MAN1C1: variants seen among roughly 807,000 people sequenced by gnomAD.
MAN1C1 encodes mannosidase alpha class 1C member 1, also known as mannosyl-oligosaccharide 1,2-alpha-mannosidase IC.
A neutral mutation model predicts 71.5 loss-of-function variants in MAN1C1; 49 were observed. That is an observed-to-expected ratio of 0.69 (90% CI 0.54 to 0.87). The LOEUF is 0.87. Ranked by LOEUF, MAN1C1 falls within the 40% of genes least tolerant of loss-of-function variation. MAN1C1 has a pLI of 0.00. For missense variants in MAN1C1, 743 were observed against 835.0 expected (o/e 0.89, Z 1.36); for synonymous variants, 352 against 343.7 (o/e 1.02, Z -0.27).
At chr1:25,704,639 A>G (rs2046493850) in intron 2 of MAN1C1, among the ~76,000 whole-genome samples, 1 of 152,252 alleles carries the variant, frequency 6.6e-6, no homozygotes, top group South Asian at 2.1e-4. Context: ...TATGACACCA[A>G]GAATGCTTAG....
chr1:25,717,755 G>A (rs1223317632), intron 2 of MAN1C1, among the ~76,000 whole-genome samples: 1 of 151,932 alleles, frequency 6.6e-6, no homozygotes, highest in East Asian at 1.9e-4. Flanking sequence ...GTAGAGATGG[G>A]GTTTCTCCAT....
intron 2 of MAN1C1, among the ~76,000 whole-genome samples, chr1:25,706,723 C>T (rs1253856029): frequency 2.0e-5 from 3 of 152,210 alleles, no homozygotes; most frequent in African/African-American, 7.2e-5. Flanking sequence ...TGAAGCGGGC[C>T]ACCTGTTTTG....
chr1:25,620,709 G>A (rs2045194054), intron 1 of MAN1C1, among the ~76,000 whole-genome samples: 1 of 152,166 alleles, frequency 6.6e-6, no homozygotes, highest in African/African-American at 2.4e-5. Flanking sequence ...ATAAAAAAAG[G>A]CCCTGTTCTT....
intron 1 of MAN1C1, among the ~76,000 whole-genome samples, chr1:25,683,536 C>T (rs1379168313): frequency 6.6e-6 from 1 of 152,096 alleles, no homozygotes; most frequent in African/African-American, 2.4e-5. Flanking sequence ...AGCTTGACTG[C>T]AGGCCACCAT....
At chr1:25,742,813 G>C (rs2047079916) in intron 2 of MAN1C1, among the ~76,000 whole-genome samples, 1 of 152,192 alleles carries the variant, frequency 6.6e-6, no homozygotes, top group Admixed American at 6.5e-5. Flanking sequence ...CTATGTGTGA[G>C]GTTGCCTTGC....
At chr1:25,663,362 A>G (rs1021359702) in intron 1 of MAN1C1, among the ~76,000 whole-genome samples, 1 of 152,046 alleles carries the variant, frequency 6.6e-6, no homozygotes, top group African/African-American at 2.4e-5. Flanking sequence ...CAAGACCCCC[A>G]GTGGATGCCT....
At position 25,674,176 on chromosome 1, in the gene MAN1C1, C is replaced by T. The variant is rs2046032440; in HGVS notation, c.541-12264C>T. On this transcript the variant is annotated intron_variant, in intron 1 of 11. Transcript: ENST00000374332. ...GCCTCGCTGGGAAGGGTCTCACCTG[C>T]TCTTGCTGTTGTGGCCTCACAATTG... 2.6e-5 allele frequency among the ~76,000 whole-genome samples: 4 copies of T among 152,222 alleles called. No individual in the cohort carries two copies. In the South Asian group the frequency reaches 8.3e-4, roughly 32 times the overall value.
rs1238341039 is a variant in MAN1C1 at position 25,735,268 on chromosome 1, A to G, written c.638-11400A>G. 6.6e-6 allele frequency among the ~76,000 whole-genome samples: 1 copy of G among 152,176 alleles called. No homozygotes were observed. The highest frequency in any genetic ancestry group is 1.5e-5 in the Non-Finnish European group (1 of 68,030). On this transcript the variant is annotated intron_variant, in intron 2 of 11. Transcript: ENST00000374332. The surrounding 1 kb of genome is among the most constrained non-coding windows in gnomAD (Gnocchi z 4.6). ...CCCCACCTCTGCCAAAAACACAAAA[A>G]TTAGCCGGGCATGCTGACGCATGCC...
chr1:25,633,052 G>C (rs1238881247), intron 1 of MAN1C1, among the ~76,000 whole-genome samples: 3 of 151,994 alleles, frequency 2.0e-5, no homozygotes, highest in African/African-American at 7.3e-5. Flanking sequence ...ATTTTTAGTA[G>C]AGACGGGGTT....
intron 1 of MAN1C1, among the ~76,000 whole-genome samples, chr1:25,652,478 C>T (rs1482423430): frequency 1.3e-5 from 2 of 152,200 alleles, no homozygotes; most frequent in Admixed American, 6.5e-5. Flanking sequence ...AGGCTGGAGG[C>T]CCCCAGCACC....
Position 25,746,545 on chromosome 1 carries a change from G to A in MAN1C1, c.638-123G>A, listed in dbSNP as rs2047130992. 10 of 787,464 alleles carry A rather than the reference G, an allele frequency of 1.3e-5. No individual in the cohort carries two copies. The South Asian group carries it at 1.4e-4, about 11-fold the overall frequency. The allele number at this position is 787,464 out of a possible 1,614,324, so 48.8% of individuals were successfully genotyped here. On this transcript the variant is annotated intron_variant, in intron 2 of 11. Transcript: ENST00000374332. This position sits in a 1 kb window ranked among gnomAD's most constrained non-coding sequence, Gnocchi z 4.0. ...CACTGGAGTCCCCCGGATGGTGCCT[G>A]AGGCCAGCCTTTGCCACCAAGCCTG...
chr1:25,768,795 C>T (rs1460478501), intron 7 of MAN1C1, among the ~76,000 whole-genome samples: 1 of 134,952 alleles, frequency 7.4e-6, no homozygotes, highest in Non-Finnish European at 1.6e-5. Context: ...ACACACATTA[C>T]ACACACTGCG....
chr1:25,742,026 C>T (rs1007125300), intron 2 of MAN1C1, among the ~76,000 whole-genome samples: 4 of 152,122 alleles, frequency 2.6e-5, no homozygotes, highest in Non-Finnish European at 5.9e-5. Context: ...CCCCACAGTG[C>T]AGGGAGGTAG....
chr1:25,617,634 C>G lies in MAN1C1; in HGVS notation c.-164C>G. On this transcript the variant is annotated 5_prime_UTR_variant, in exon 1 of 12. Coordinates refer to ENST00000374332, the MANE Select transcript of MAN1C1 (RefSeq NM_020379.4). The surrounding 1 kb of genome is among the most constrained non-coding windows in gnomAD (Gnocchi z 5.1). ...CGCGGGAGGACTCGCTCCAAACTCC[C>G]TGAACTTCGGGGACAGTCCCCCGAA... is the stretch of plus-strand genomic sequence containing the variant. The G allele has an allele frequency of 3.4e-6, 2 of 581,522 alleles. No homozygotes were observed. Among genetic ancestry groups the G allele is most frequent in the Non-Finnish European group, 5.7e-6 (2 of 348,606 alleles). 36.0% of individuals were successfully genotyped at this position (581,522 alleles called of 1,614,324 possible).
chr1:25,731,655 G>A (rs1333821008), intron 2 of MAN1C1, among the ~76,000 whole-genome samples: 1 of 152,176 alleles, frequency 6.6e-6, no homozygotes, highest in African/African-American at 2.4e-5. Context: ...CTCTAACACA[G>A]GTAAGTCTGG....
chr1:25,656,521 T>C (rs1159655083), intron 1 of MAN1C1, among the ~76,000 whole-genome samples: 1 of 152,242 alleles, frequency 6.6e-6, no homozygotes, highest in Non-Finnish European at 1.5e-5. Flanking sequence ...AATACTTTCT[T>C]CAATGTTACA....
At chr1:25,635,549 A>G (rs2045446685) in intron 1 of MAN1C1, among the ~76,000 whole-genome samples, 1 of 151,336 alleles carries the variant, frequency 6.6e-6, no homozygotes, top group Non-Finnish European at 1.5e-5. Context: ...TCCCGAGTTC[A>G]AGTGATTCTC....
chr1:25,774,781 C>A (rs534737096), intron 8 of MAN1C1, among the ~76,000 whole-genome samples: 17 of 152,090 alleles, frequency 1.1e-4, no homozygotes, highest in Middle Eastern at 3.4e-3. Context: ...ATGGGTTAGC[C>A]CTGCTCCACA....
At chr1:25,633,560 G>C (rs887664865) in intron 1 of MAN1C1, among the ~76,000 whole-genome samples, 5 of 144,120 alleles carry the variant, frequency 3.5e-5, no homozygotes, top group Non-Finnish European at 7.6e-5. Flanking sequence ...CACTGTTGTT[G>C]CTGTACAGTC....
Sources: gnomAD v4.1 joint callset for allele counts (sites outside exome capture counted in the v4.1 genomes callset) on GRCh38, gnomAD v4.1.1 for gene constraint, Gnocchi (gnomAD v3.1) non-coding constraint, MANE v1.5 for transcripts, NCBI Gene and HGNC (gene_info 2026-07-23, HGNC 2026-07-21) for gene names.